Variants in SPATA9 observed in about 807,000 individuals in gnomAD.
SPATA9 encodes spermatogenesis-associated protein 9.
A neutral mutation model predicts 25.5 loss-of-function variants in SPATA9; 27 were observed. That is an observed-to-expected ratio of 1.06 (90% CI 0.78 to 1.46). SPATA9 has a LOEUF of 1.46. Among genes scored for constraint, SPATA9 ranks in the 40% most tolerant of loss-of-function variants. SPATA9 has a pLI of 0.00. For synonymous variants in SPATA9, 102 were observed against 105.7 expected (o/e 0.97, Z 0.21); for missense variants, 282 against 297.5 (o/e 0.95, Z 0.38).
chr5:95,672,004 C>T (rs1752432591), intron 3 of SPATA9, among the ~76,000 whole-genome samples: 1 of 151,864 alleles, frequency 6.6e-6, no homozygotes, highest in Admixed American at 6.6e-5. Flanking sequence ...AAGGGACCTT[C>T]CCCCCACCCC....
chr5:95,727,410 C>G, the SPATA9 span, among the ~76,000 whole-genome samples: 1 of 152,198 alleles, frequency 6.6e-6, no homozygotes, highest in Non-Finnish European at 1.5e-5. Flanking sequence ...TGAATATTCA[C>G]AATTTGGGGA....
chr5:95,719,577 A>G, the SPATA9 span: 2 of 152,240 alleles, frequency 1.3e-5, no homozygotes, highest in Non-Finnish European at 2.9e-5. Flanking sequence ...AAGTTTTTAC[A>G]TCACTACTTG....
At chr5:95,716,660 C>T in the SPATA9 span, among the ~76,000 whole-genome samples, 355 of 152,218 alleles carry the variant, frequency 2.3e-3, 3 homozygotes, top group African/African-American at 7.8e-3. Context: ...GTTGGGAAGG[C>T]ATGATTGGCG....
intron 1 of SPATA9, among the ~76,000 whole-genome samples, chr5:95,691,919 C>T (rs2053949943): frequency 6.6e-6 from 1 of 152,134 alleles, no homozygotes; most frequent in African/African-American, 2.4e-5. Flanking sequence ...CGAATTTTAT[C>T]AACTTCCATT....
chr5:95,695,303 T>C (rs932600353), intron 1 of SPATA9, among the ~76,000 whole-genome samples: 1 of 152,180 alleles, frequency 6.6e-6, no homozygotes, highest in African/African-American at 2.4e-5. Context: ...TTTTTAGTCT[T>C]AAAAACACGT....
chr5:95,725,912 ATTG>A, the SPATA9 span, among the ~76,000 whole-genome samples: 1 of 151,972 alleles, frequency 6.6e-6, no homozygotes, highest in Non-Finnish European at 1.5e-5. Context: ...ACAGTCAATT[ATTG>A]TTTACAGTAT....
rs796500383 is a variant in SPATA9 at position 95,671,412 on chromosome 5, CT to C, written c.378+3999del. 7.9e-5 allele frequency among the ~76,000 whole-genome samples: 12 copies of C among 151,666 alleles called. 1 individual carries two copies. The highest frequency in any genetic ancestry group is 5.9e-4 in the Admixed American group (9 of 15,216). ...ATTTTGCATATCAGGTTTTCAATAA[CT>C]TTTTTTTTGTTTTTGAGATGGAGTT... On this transcript the variant is annotated intron_variant, in intron 3 of 4. Coordinates refer to ENST00000274432, the MANE Select transcript of SPATA9 (RefSeq NM_031952.4).
intron 3 of SPATA9, among the ~76,000 whole-genome samples, chr5:95,672,059 G>A (rs1752440198): frequency 6.6e-6 from 1 of 152,120 alleles, no homozygotes; most frequent in South Asian, 2.1e-4. Flanking sequence ...AGCAGCAAGT[G>A]TGTGAGCTTA....
At chr5:95,715,549 G>T in the SPATA9 span, among the ~76,000 whole-genome samples, 1 of 152,132 alleles carries the variant, frequency 6.6e-6, no homozygotes, top group African/African-American at 2.4e-5. Context: ...TGGAGAAAAA[G>T]AAAATTGTTT....
intron 3 of SPATA9, among the ~76,000 whole-genome samples, chr5:95,669,782 A>T (rs545805964): frequency 9.9e-5 from 15 of 152,194 alleles, no homozygotes; most frequent in Non-Finnish European, 1.9e-4. Flanking sequence ...CAGGCAACTC[A>T]CAAGGCTAAG....
chr5:95,670,878 T>C (rs1016527224), intron 3 of SPATA9: 4 of 985,326 alleles, frequency 4.1e-6, no homozygotes, highest in Middle Eastern at 5.2e-4. Flanking sequence ...GTTTCTGTCC[T>C]CACTGAGCCT....
exon 9 of SPATA9, chr5:95,653,111 T>C: frequency 1.3e-6 from 2 of 1,551,604 alleles, no homozygotes; most frequent in Non-Finnish European, 1.7e-6. Flanking sequence ...TTTGCTCTTC[T>C]TTCAGTATGG....
At chr5:95,659,249 C>A in intron 4 of SPATA9, 1 of 197,002 alleles carries the variant, frequency 5.1e-6, no homozygotes, top group East Asian at 1.3e-4. Flanking sequence ...TGTCCTCAAA[C>A]ATGGTTTTTC....
chr5:95,698,065 T>C (rs1754080991), intron 1 of SPATA9, among the ~76,000 whole-genome samples: 1 of 152,244 alleles, frequency 6.6e-6, no homozygotes, highest in Admixed American at 6.5e-5. Context: ...ATTTAACATA[T>C]GTACTCAAGC....
intron 1 of SPATA9, among the ~76,000 whole-genome samples, chr5:95,690,809 C>T (rs1259599130): frequency 6.6e-6 from 1 of 151,964 alleles, no homozygotes; most frequent in Admixed American, 6.6e-5. Context: ...ATAGTGAAGC[C>T]AATACTTTTA....
chr5:95,691,211 G>A (rs574471986), intron 1 of SPATA9, among the ~76,000 whole-genome samples: 7 of 98,930 alleles, frequency 7.1e-5, no homozygotes, highest in Non-Finnish European at 1.0e-4. Flanking sequence ...GCAAGACTCC[G>A]TCTCAAAAAA....
intron 4 of SPATA9, among the ~76,000 whole-genome samples, chr5:95,663,304 T>C (rs939931722): frequency 2.0e-5 from 3 of 152,140 alleles, no homozygotes; most frequent in Non-Finnish European, 4.4e-5. Flanking sequence ...ATTCAAGCAG[T>C]CAAACTATCA....
chr5:95,697,359 T>A (rs1282682878), intron 1 of SPATA9, among the ~76,000 whole-genome samples: 1 of 152,180 alleles, frequency 6.6e-6, no homozygotes, highest in Admixed American at 6.5e-5. Flanking sequence ...CTTCAGTATG[T>A]CCTCAGCTGG....
the SPATA9 span, among the ~76,000 whole-genome samples, chr5:95,720,034 A>G: frequency 3.7e-3 from 560 of 152,320 alleles, 5 homozygotes; most frequent in Non-Finnish European, 4.4e-3. Flanking sequence ...GCTACCTATT[A>G]TAAGTTTCTA....
Sources: allele counts gnomAD v4.1 joint callset (sites outside exome capture counted in the v4.1 genomes callset), GRCh38; gene constraint gnomAD v4.1.1; transcripts MANE v1.5; gene names NCBI Gene and HGNC (gene_info 2026-07-23, HGNC 2026-07-21).